APC: variants seen among roughly 807,000 people sequenced by gnomAD.
The protein encoded by APC is APC regulator of Wnt signaling pathway.
Under a neutral mutation model 247.0 loss-of-function variants are expected in APC, and 72 were observed. The observed-to-expected ratio is 0.29, with a 90% CI of 0.24 to 0.35. APC has a LOEUF of 0.35. Ranked by LOEUF, APC falls within the 10% of genes least tolerant of loss-of-function variation. APC has a pLI of 1.00. For synonymous variants in APC, 1,254 were observed against 1,162.5 expected (o/e 1.08, Z -1.60); for missense variants, 3,400 against 3,360.7 (o/e 1.01, Z -0.29).
rs1750614449 is a variant in APC, at chr5:112,707,846, C to T, written c.129C>T (p.Gly43=). 7.3e-7 allele frequency: 1 copy of T among 1,370,252 alleles called. No individual in the cohort carries two copies. Among genetic ancestry groups the T allele is most frequent in the Admixed American group, 2.2e-5 (1 of 46,032 alleles). The allele number at this position is 1,370,252 out of a possible 1,614,324, so 84.9% of individuals were successfully genotyped here. A position where few individuals can be genotyped will look rare whatever the true frequency, so the allele number is the denominator to read the frequency against. Residue 43 remains glycine (G), a synonymous_variant, in exon 1 of 14, where the codon GGC becomes GGT. Transcript: ENST00000507379. Reference sequence around the variant, plus strand: ...GGCAGGAGACGAAGAGCCCGGGCGGCGCTCGTACTTCTGGCCACTGGGCGA... The same window carrying T: ...GGCAGGAGACGAAGAGCCCGGGCGGTGCTCGTACTTCTGGCCACTGGGCGA...
intron 6 of APC, among the ~76,000 whole-genome samples, chr5:112,781,732 A>AT (rs1020718361): frequency 1.9e-4 from 28 of 150,270 alleles, no homozygotes; most frequent in African/African-American, 6.6e-4. Flanking sequence ...TATAGTCTTT[A>AT]TTTTTTTTGT....
intron 1 of APC, among the ~76,000 whole-genome samples, chr5:112,743,131 T>G (rs1350940882): frequency 6.7e-6 from 1 of 149,864 alleles, no homozygotes; most frequent in Non-Finnish European, 1.5e-5. Flanking sequence ...TCTCATGGCC[T>G]CTTTCTCCAT....
chr5:112,712,135 G>T (rs1442430191), intron 1 of APC, among the ~76,000 whole-genome samples: 1 of 152,150 alleles, frequency 6.6e-6, no homozygotes, highest in Non-Finnish European at 1.5e-5. Context: ...TACGGGGAAG[G>T]GGTGGATCCT....
intron 14 of APC, among the ~76,000 whole-genome samples, chr5:112,834,238 C>CTTTTTT (rs963878310): frequency 7.9e-6 from 1 of 126,582 alleles, no homozygotes; most frequent in African/African-American, 3.0e-5. Context: ...CACGTTGCGC[C>CTTTTTT]TTTTTTTTTT....
At chr5:112,796,359 A>G (rs1760213863) in intron 7 of APC, among the ~76,000 whole-genome samples, 1 of 152,204 alleles carries the variant, frequency 6.6e-6, no homozygotes, top group African/African-American at 2.4e-5. Flanking sequence ...GATTAGAAAG[A>G]AAGAGTTCTT....
intron 1 of APC, among the ~76,000 whole-genome samples, chr5:112,741,159 A>G (rs973073157): frequency 4.6e-5 from 7 of 152,318 alleles, no homozygotes; most frequent in African/African-American, 1.7e-4. Flanking sequence ...CAAATAAGAC[A>G]CGTAAACTAA....
At position 112,799,914 on chromosome 5, in the gene APC, T is replaced by G. The variant is rs556839425; in HGVS notation, c.730-1365T>G. 6.2e-4 allele frequency among the ~76,000 whole-genome samples: 95 copies of G among 152,220 alleles called. 1 individual carries two copies. In the South Asian group the frequency reaches 0.018, roughly 29 times the overall value. On this transcript the variant is annotated intron_variant, in intron 7 of 15. Coordinates refer to ENST00000257430, the MANE Select transcript of APC (RefSeq NM_000038.6). ...TCCCCTTTGCCTAGTTAACTCCTAT[T>G]TACTCTTCAAGTCTTTACTCAAACA...
chr5:112,838,271 G>A lies in APC; in HGVS notation c.2677G>A (p.Glu893Lys), dbSNP rs199740875. ...AGCCCAGATTGCCAAAGTCATGGAAGAAGTGTCAGCCATTCATACCTCTCA... is the reference window on the plus strand; with the variant it reads ...AGCCCAGATTGCCAAAGTCATGGAAAAAGTGTCAGCCATTCATACCTCTCA... Reference protein sequence around the residue: ...TAAQIAKVMEEVSAIHTSQED... With the variant: ...TAAQIAKVMEKVSAIHTSQED... The change falls in exon 16 of 16, where the codon GAA becomes AAA. Residue 893 changes from glutamate to lysine, a missense_variant. Physicochemically the swap from Glu to Lys is moderately conservative, Grantham distance 56. Coordinates refer to ENST00000257430, the MANE Select transcript of APC (RefSeq NM_000038.6). 2.2e-5 allele frequency: 36 copies of A among 1,614,100 alleles called. No individual in the cohort carries two copies. Among genetic ancestry groups the A allele is most frequent in the Non-Finnish European group, 2.8e-5 (33 of 1,180,050 alleles).
rs1759722058 is a variant in APC, at chr5:112,792,427, G to A, written c.646-19G>A. 1 of 1,561,650 alleles carries A rather than the reference G, an allele frequency of 6.4e-7. No homozygotes were observed. Among genetic ancestry groups the A allele is most frequent in the Non-Finnish European group, 8.8e-7 (1 of 1,136,882 alleles). ...TATTAATAAAAACATAACTAATTAG[G>A]TTTCTTGTTTTATTTTAGCGAAGAA... On this transcript the variant is annotated intron_variant, in intron 6 of 15. Coordinates refer to ENST00000257430, the MANE Select transcript of APC (RefSeq NM_000038.6).
intron 10 of APC, among the ~76,000 whole-genome samples, chr5:112,819,654 C>T (rs193175905): frequency 1.3e-5 from 2 of 152,292 alleles, no homozygotes; most frequent in Admixed American, 6.5e-5. Context: ...CACTTCATAG[C>T]TGAAGCTCAT....
At chr5:112,785,672 G>T (rs1461649806) in intron 6 of APC, among the ~76,000 whole-genome samples, 1 of 152,146 alleles carries the variant, frequency 6.6e-6, no homozygotes, top group African/African-American at 2.4e-5. Flanking sequence ...AGACTAGAAA[G>T]AGGTACAGGA....
intron 8 of APC, among the ~76,000 whole-genome samples, chr5:112,802,778 G>A (rs1047719370): frequency 6.6e-6 from 1 of 152,016 alleles, no homozygotes; most frequent in Admixed American, 6.6e-5. Context: ...CAGTATGCCA[G>A]GAAATCATAG....
At chr5:112,773,332 T>C (rs1757259298) in intron 4 of APC, among the ~76,000 whole-genome samples, 1 of 152,166 alleles carries the variant, frequency 6.6e-6, no homozygotes, top group Non-Finnish European at 1.5e-5. Flanking sequence ...CGTCTCTCTG[T>C]ATGACCAAAC....
chr5:112,800,239 G>T (rs1372671457), intron 7 of APC, among the ~76,000 whole-genome samples: 2 of 152,058 alleles, frequency 1.3e-5, no homozygotes, highest in Non-Finnish European at 2.9e-5. Flanking sequence ...AATCTTTGTG[G>T]TCTTAGATTC....
intron 1 of APC, among the ~76,000 whole-genome samples, chr5:112,710,709 A>G (rs1218495171): frequency 6.6e-6 from 1 of 152,252 alleles, no homozygotes; most frequent in Non-Finnish European, 1.5e-5. Context: ...TAGTAGGAAG[A>G]ACATTGACTT....
intron 5 of APC, 86 bp from the exon 6 acceptor site, chr5:112,780,704 C>G: frequency 1.1e-6 from 1 of 932,308 alleles, no homozygotes; most frequent in Non-Finnish European, 1.7e-6. Context: ...TATTCATTTT[C>G]TTTATTGGTT....
chr5:112,764,009 G>A (rs965197257), intron 2 of APC, among the ~76,000 whole-genome samples: 69 of 151,806 alleles, frequency 4.5e-4, no homozygotes, highest in Non-Finnish European at 9.4e-4. Context: ...AGGCTGACGC[G>A]GGCGGATGGT....
intron 11 of APC, among the ~76,000 whole-genome samples, chr5:112,824,169 C>T (rs963934255): frequency 1.3e-5 from 2 of 152,166 alleles, no homozygotes; most frequent in South Asian, 4.1e-4. Flanking sequence ...CCCTATTGGG[C>T]AATAGTCCGG....
At chr5:112,768,357 C>T (rs1285647590) in intron 4 of APC, among the ~76,000 whole-genome samples, 5 of 144,970 alleles carry the variant, frequency 3.4e-5, no homozygotes, top group Non-Finnish European at 7.5e-5. Flanking sequence ...GACTCTGTCT[C>T]TTTACCAAAA....
Sources: gnomAD v4.1 joint callset for allele counts (sites outside exome capture counted in the v4.1 genomes callset) on GRCh38, gnomAD v4.1.1 for gene constraint, MANE v1.5 for transcripts, NCBI Gene and HGNC (gene_info 2026-07-23, HGNC 2026-07-21) for gene names.